The following CDCP1 variants were observed in gnomAD, a reference collection of about 807,000 sequenced individuals.
CDCP1 encodes the protein CUB domain containing protein 1, also known as CUB domain-containing protein 1.
In CDCP1, 29 loss-of-function variants were observed where a neutral mutation model predicts 60.2. That is an observed-to-expected ratio of 0.48 (90% CI 0.36 to 0.66). The LOEUF is 0.66. Ranked by LOEUF, CDCP1 falls within the 30% of genes least tolerant of loss-of-function variation. The pLI is 0.00. For missense variants in CDCP1, 876 were observed against 1,074.3 expected, an observed-to-expected ratio of 0.82 and a Z score of 2.58; for synonymous variants, 387 against 431.1, an observed-to-expected ratio of 0.90 and a Z score of 1.27.
chr3:45,128,032 C>G (rs1437151814), intron 1 of CDCP1, among the ~76,000 whole-genome samples: 1 of 152,220 alleles, frequency 6.6e-6, no homozygotes, highest in Non-Finnish European at 1.5e-5. Context: ...CAGGTGGCTA[C>G]AAGAACTTGC....
chr3:45,101,314 C>A (rs1698481821), intron 4 of CDCP1, among the ~76,000 whole-genome samples: 1 of 152,234 alleles, frequency 6.6e-6, no homozygotes, highest in South Asian at 2.1e-4. Flanking sequence ...ATTTCGCAGA[C>A]AAACTAAGGC....
intron 1 of CDCP1, among the ~76,000 whole-genome samples, chr3:45,131,394 C>A (rs755237458): frequency 3.3e-5 from 5 of 152,176 alleles, no homozygotes; most frequent in Non-Finnish European, 7.3e-5. Context: ...TTACCACCAT[C>A]CGCCTCTGGA....
chr3:45,115,263 G>C (rs1283993107), intron 2 of CDCP1, among the ~76,000 whole-genome samples: 2 of 151,948 alleles, frequency 1.3e-5, no homozygotes, highest in African/African-American at 2.4e-5. Context: ...GTACAGAAAA[G>C]TAGAAAGAAG....
At chr3:45,090,382 C>T (rs1014470318) in intron 7 of CDCP1, among the ~76,000 whole-genome samples, 15 of 152,216 alleles carry the variant, frequency 9.9e-5, no homozygotes, top group African/African-American at 3.4e-4. Context: ...TAAAGGCAAA[C>T]TCATCATCCT....
At chr3:45,102,008 A>G (rs1698491754) in intron 4 of CDCP1, among the ~76,000 whole-genome samples, 1 of 152,226 alleles carries the variant, frequency 6.6e-6, no homozygotes, top group Non-Finnish European at 1.5e-5. Flanking sequence ...TGGTACACAC[A>G]ATAAATAGGC....
At chr3:45,127,866 G>C (rs1026141712) in intron 1 of CDCP1, among the ~76,000 whole-genome samples, 28 of 152,220 alleles carry the variant, frequency 1.8e-4, no homozygotes, top group African/African-American at 6.5e-4. Context: ...CCCCTAGAAA[G>C]AAGCTGGGGC....
At chr3:45,095,853 T>C (rs1157984410) in intron 4 of CDCP1, among the ~76,000 whole-genome samples, 1 of 152,172 alleles carries the variant, frequency 6.6e-6, no homozygotes, top group African/African-American at 2.4e-5. Flanking sequence ...ATCTGTCTGA[T>C]GATAGGTGCT....
chr3:45,093,726 T>A lies in CDCP1; in HGVS notation c.1247-69A>T. ...AAGTGCACCCTCCCCAGCTCTCCCG[T>A]CAGCCTGAGGTTGGGTGTCTGCATG... On this transcript the variant is annotated intron_variant, in intron 5 of 8. Coordinates refer to ENST00000296129, the MANE Select transcript of CDCP1 (RefSeq NM_022842.5). The A allele has an allele frequency of 4.6e-6, 7 of 1,533,122 alleles. No individual in the cohort carries two copies. In the South Asian group the frequency reaches 8.8e-5, roughly 19 times the overall value. 95.0% of individuals were successfully genotyped at this position (1,533,122 alleles called of 1,614,324 possible). A position where few individuals can be genotyped will look rare whatever the true frequency, so the allele number is the denominator to read the frequency against.
intron 8 of CDCP1, among the ~76,000 whole-genome samples, chr3:45,086,629 A>C (rs1698200132): frequency 6.6e-6 from 1 of 152,250 alleles, no homozygotes; most frequent in Admixed American, 6.5e-5. Context: ...AGGATAACTC[A>C]GCATTAGCAG....
At chr3:45,104,161 T>C (rs1698526157) in intron 4 of CDCP1, among the ~76,000 whole-genome samples, 1 of 152,246 alleles carries the variant, frequency 6.6e-6, no homozygotes, top group Non-Finnish European at 1.5e-5. Flanking sequence ...AATAATCAGG[T>C]GGACTGTGGT....
intron 2 of CDCP1, among the ~76,000 whole-genome samples, chr3:45,114,438 A>C (rs1698751433): frequency 7.0e-6 from 1 of 143,628 alleles, no homozygotes; most frequent in Non-Finnish European, 1.5e-5. Flanking sequence ...CTTTTTGGAG[A>C]TGCAGTCTTG....
chr3:45,132,979 T>C (rs941587503), intron 1 of CDCP1, among the ~76,000 whole-genome samples: 1 of 152,234 alleles, frequency 6.6e-6, no homozygotes, highest in Non-Finnish European at 1.5e-5. Context: ...AAGACTATCC[T>C]GGGTGGTTCT....
At position 45,112,193 on chromosome 3, in the gene CDCP1, G is replaced by A; in HGVS notation, c.545C>T (p.Thr182Ile). 6.2e-7 allele frequency: 1 copy of A among 1,614,200 alleles called. No homozygotes were observed. The highest frequency in any genetic ancestry group is 1.1e-5 in the South Asian group (1 of 91,086). The change falls in exon 3 of 9, where the codon ACT (threonine) becomes ATT (isoleucine). Residue 182 changes from threonine (T) to isoleucine (I), a missense_variant. By Grantham distance (89) the Thr-to-Ile change is moderately conservative (BLOSUM62 -1). Around this residue, in one of 2 missense-constraint regions of CDCP1, gnomAD observed 726 missense variants for 935.7 expected, o/e 0.78. Coordinates refer to ENST00000296129, the MANE Select transcript of CDCP1 (RefSeq NM_022842.5). ...VRIGTFCSNG[T>I]VSRIKMQEGV... is the part of the protein sequence containing the mutation. ...TTCTTGCATCTTGATCCGGGACACAGTGCCATTGCTGCAGAAGGTTCCGAT... is the reference window on the plus strand; with the variant it reads ...TTCTTGCATCTTGATCCGGGACACAATGCCATTGCTGCAGAAGGTTCCGAT...
chr3:45,116,295 T>G lies in CDCP1; in HGVS notation c.292+2117A>C, dbSNP rs867606398. On this transcript the variant is annotated intron_variant, in intron 2 of 8. Transcript: ENST00000296129. ...TCTATTGAGATGATCATATACAGTT[T>G]TTTCTCTCTAACCTAATAATGCAAA... 2.6e-4 allele frequency among the ~76,000 whole-genome samples: 40 copies of G among 151,828 alleles called. 1 individual carries two copies. The highest frequency in any genetic ancestry group is 1.3e-4 in the Admixed American group (2 of 15,236).
intron 7 of CDCP1, among the ~76,000 whole-genome samples, chr3:45,089,661 C>T (rs149371878): frequency 2.0e-5 from 3 of 152,270 alleles, no homozygotes; most frequent in Admixed American, 6.5e-5. Flanking sequence ...ATCCATAAAT[C>T]GTGGGTAAAC....
intron 2 of CDCP1, among the ~76,000 whole-genome samples, chr3:45,114,441 C>T (rs1320485391): frequency 6.9e-6 from 1 of 144,128 alleles, no homozygotes. Context: ...TTTGGAGATG[C>T]AGTCTTGCTC....
chr3:45,104,963 G>C (rs558983041), intron 4 of CDCP1, among the ~76,000 whole-genome samples: 1 of 152,172 alleles, frequency 6.6e-6, no homozygotes, highest in African/African-American at 2.4e-5. Flanking sequence ...CAGGAGAATC[G>C]CTTGAACCCA....
intron 4 of CDCP1, among the ~76,000 whole-genome samples, chr3:45,101,094 G>A (rs144336647): frequency 1.2e-4 from 19 of 152,280 alleles, no homozygotes; most frequent in Non-Finnish European, 8.8e-5. Context: ...GCAGTCTTGC[G>A]ACAGAGTTTG....
chr3:45,090,392 T>C (rs1698274111), intron 7 of CDCP1, among the ~76,000 whole-genome samples: 1 of 152,246 alleles, frequency 6.6e-6, no homozygotes, highest in Non-Finnish European at 1.5e-5. Flanking sequence ...CTCATCATCC[T>C]GGCTCCAAGG....
Sources: allele counts gnomAD v4.1 joint callset (sites outside exome capture counted in the v4.1 genomes callset), GRCh38; gene constraint gnomAD v4.1.1; regional missense constraint gnomAD v4.1.1; transcripts MANE v1.5; gene names NCBI Gene and HGNC (gene_info 2026-07-23, HGNC 2026-07-21).